The following PACRG variants were observed in gnomAD, a reference collection of about 807,000 sequenced individuals.
The protein encoded by PACRG is parkin coregulated, also known as parkin coregulated gene protein.
PACRG carries 29 observed loss-of-function variants against 29.7 expected under a neutral mutation model. That is an observed-to-expected ratio of 0.98 (90% confidence interval 0.73 to 1.33). The LOEUF (loss-of-function observed/expected upper bound fraction) is 1.33, where lower values mean the gene tolerates loss of function less well. Ranked by LOEUF, PACRG falls within the 40% of genes most tolerant of loss-of-function variation. The pLI, the probability that PACRG is intolerant of heterozygous loss-of-function variation, is 0.00. For missense variants in PACRG, 279 were observed against 316.2 expected (o/e 0.88, Z 0.89); for synonymous variants, 116 against 118.7 (o/e 0.98, Z 0.15).
chr6:163,172,413 G>A (rs1779129189), intron 4 of PACRG, among the ~76,000 whole-genome samples: 1 of 152,182 alleles, frequency 6.6e-6, no homozygotes, highest in Admixed American at 6.5e-5. Flanking sequence ...AGCATTAGGA[G>A]AAACAGAAAG....
At chr6:163,223,204 G>A (rs1312550313) in intron 4 of PACRG, among the ~76,000 whole-genome samples, 1 of 152,120 alleles carries the variant, frequency 6.6e-6, no homozygotes. Flanking sequence ...GACCAGCTTG[G>A]CCAATGTGGT....
At chr6:162,765,033 C>T (rs557279051) in intron 1 of PACRG, among the ~76,000 whole-genome samples, 3 of 152,128 alleles carry the variant, frequency 2.0e-5, no homozygotes, top group South Asian at 2.1e-4. Context: ...CGTGAGCCAC[C>T]GTGCCCGGCC....
chr6:162,799,141 T>G (rs1400210512), intron 1 of PACRG, among the ~76,000 whole-genome samples: 1 of 152,158 alleles, frequency 6.6e-6, no homozygotes, highest in African/African-American at 2.4e-5. Flanking sequence ...TGGCTTTATT[T>G]TGGAAACAAG....
At position 162,883,964 on chromosome 6, in the gene PACRG, G is replaced by A. The variant is rs983537692; in HGVS notation, c.291+69683G>A. ...GTTTTGTTTCGTTATTTTGAGACAG[G>A]GTCTCACTCTGTCACCCAAGCTGGA... On this transcript the variant is annotated intron_variant, in intron 2 of 4. Transcript: ENST00000366888. Among the ~76,000 whole-genome samples, 3 of 151,850 alleles carry A rather than the reference G, an allele frequency of 2.0e-5. No homozygotes were observed. In the South Asian group the frequency reaches 6.3e-4, roughly 32 times the overall value.
chr6:163,254,378 C>A (rs1783027439), intron 4 of PACRG, among the ~76,000 whole-genome samples: 1 of 151,838 alleles, frequency 6.6e-6, no homozygotes, highest in Non-Finnish European at 1.5e-5. Context: ...AGAGGCACAA[C>A]AATAAAAAAC....
At chr6:162,908,432 G>T (rs2128071765) in intron 2 of PACRG, among the ~76,000 whole-genome samples, 1 of 152,306 alleles carries the variant, frequency 6.6e-6, no homozygotes, top group South Asian at 2.1e-4. Context: ...AAGCCCAGTG[G>T]TGTACTGCCT....
chr6:162,882,703 G>T (rs1310276919), intron 2 of PACRG, among the ~76,000 whole-genome samples: 3 of 152,112 alleles, frequency 2.0e-5, no homozygotes, highest in Non-Finnish European at 2.9e-5. Context: ...TGCATCCAGG[G>T]CCTTGTCCAG....
At chr6:163,203,250 C>T (rs1970907) in intron 4 of PACRG, among the ~76,000 whole-genome samples, 58,484 of 151,754 alleles carry the variant, frequency 0.39, 12,541 homozygotes, top group African/African-American at 0.59. Context: ...CCATCTCTAC[C>T]AAAAATACAA....
intron 2 of PACRG, among the ~76,000 whole-genome samples, chr6:162,830,519 A>G (rs1453975444): frequency 6.6e-6 from 1 of 152,152 alleles, no homozygotes; most frequent in Non-Finnish European, 1.5e-5. Context: ...ACCCATTCTC[A>G]TCCCCCTCTC....
chr6:163,046,107 C>T (rs2128241875), intron 2 of PACRG, among the ~76,000 whole-genome samples: 1 of 152,006 alleles, frequency 6.6e-6, no homozygotes, highest in Admixed American at 6.5e-5. Context: ...CCAGTTCATT[C>T]CAACTCAGGC....
intron 4 of PACRG, among the ~76,000 whole-genome samples, chr6:163,290,278 G>GCACACACACA (rs3064946): frequency 1.5e-3 from 167 of 114,556 alleles, no homozygotes; most frequent in East Asian, 0.013. Flanking sequence ...GCGCGCGCGC[G>GCACACACACA]CACACACACA....
At chr6:163,150,437 G>A in intron 4 of PACRG, among the ~76,000 whole-genome samples, 1 of 152,100 alleles carries the variant, frequency 6.6e-6, no homozygotes, top group Non-Finnish European at 1.5e-5. Context: ...TCCCTCGCCT[G>A]TGCTCACACT....
At chr6:162,975,931 C>A (rs1013342240) in intron 2 of PACRG, among the ~76,000 whole-genome samples, 12 of 152,036 alleles carry the variant, frequency 7.9e-5, no homozygotes, top group Non-Finnish European at 1.5e-4. Context: ...ACAAACCTGC[C>A]CCCTCGGAAT....
chr6:163,268,651 C>T (rs1183918093), intron 4 of PACRG, among the ~76,000 whole-genome samples: 1 of 152,120 alleles, frequency 6.6e-6, no homozygotes, highest in Admixed American at 6.6e-5. Flanking sequence ...GTTCTATCAG[C>T]TATAACATCA....
At chr6:162,773,637 C>T (rs1481323398) in intron 1 of PACRG, among the ~76,000 whole-genome samples, 1 of 151,082 alleles carries the variant, frequency 6.6e-6, no homozygotes, top group African/African-American at 2.4e-5. Context: ...GCCTCAGCCT[C>T]CCGAGTAGCT....
chr6:162,948,694 A>C (rs1799427905), intron 2 of PACRG, among the ~76,000 whole-genome samples: 1 of 152,110 alleles, frequency 6.6e-6, no homozygotes, highest in Non-Finnish European at 1.5e-5. Context: ...AACAGCAAAA[A>C]ACCCTAATAA....
At chr6:162,954,852 T>A (rs1799904739) in intron 2 of PACRG, among the ~76,000 whole-genome samples, 1 of 152,210 alleles carries the variant, frequency 6.6e-6, no homozygotes, top group African/African-American at 2.4e-5. Context: ...GAGATCAGTG[T>A]TGATTATTCC....
intron 2 of PACRG, among the ~76,000 whole-genome samples, chr6:162,848,396 G>A (rs1202139778): frequency 6.6e-6 from 1 of 152,182 alleles, no homozygotes; most frequent in East Asian, 1.9e-4. Context: ...GCACCATGGT[G>A]GGCACAGACA....
chr6:162,825,933 ATTTATTTTAT>A (rs71008115), intron 2 of PACRG, among the ~76,000 whole-genome samples: 16 of 151,548 alleles, frequency 1.1e-4, no homozygotes, highest in South Asian at 4.2e-4. Flanking sequence ...CTATGCATTT[ATTTATTTTAT>A]TTTATTTTAT....
Sources: gnomAD v4.1 joint callset for allele counts (sites outside exome capture counted in the v4.1 genomes callset) on GRCh38, gnomAD v4.1.1 for gene constraint, MANE v1.5 for transcripts, NCBI Gene and HGNC (gene_info 2026-07-23, HGNC 2026-07-21) for gene names.